DLGAP2: variants seen among roughly 807,000 people sequenced by gnomAD.
DLGAP2 encodes the protein DLG associated protein 2, also known as disks large-associated protein 2.
A neutral mutation model predicts 100.3 loss-of-function variants in DLGAP2; 26 were observed. The observed-to-expected ratio is 0.26, with a 90% CI of 0.19 to 0.36. The LOEUF (loss-of-function observed/expected upper bound fraction) is 0.36, where lower values mean the gene tolerates loss of function less well. DLGAP2 is among the 10% of genes least tolerant of loss of function. DLGAP2 has a pLI of 1.00. For synonymous variants in DLGAP2, 886 were observed against 630.1 expected, an observed-to-expected ratio of 1.41 and a Z score of -6.08; for missense variants, 1,858 against 1,453.2, an observed-to-expected ratio of 1.28 and a Z score of -4.53.
At position 1,377,551 on chromosome 8, in the gene DLGAP2, TAAATA is replaced by T. The variant is rs529047266; in HGVS notation, c.106+118681_106+118685del. Among the ~76,000 whole-genome samples, 58 of 151,706 alleles carry T rather than the reference TAAATA, an allele frequency of 3.8e-4. 2 individuals carry two copies. The highest frequency in any genetic ancestry group is 2.1e-3 in the South Asian group (10 of 4,804). On this transcript the variant is annotated intron_variant, in intron 3 of 14. Transcript: ENST00000637795. The stretch of plus-strand genomic sequence containing the variant: ...AGAGCGAGACTCCGACTCAAAAAAA[TAAATA>T]AAATAAAATAAAGATGCACAGGTCT...
chr8:818,035 G>A (rs1362021553), intron 1 of DLGAP2, among the ~76,000 whole-genome samples: 4 of 152,074 alleles, frequency 2.6e-5, no homozygotes, highest in African/African-American at 7.2e-5. Context: ...CAGGTTTCTC[G>A]GGCAGTGGGC....
chr8:1,102,761 T>G (rs1304917713), intron 2 of DLGAP2, among the ~76,000 whole-genome samples: 1 of 151,374 alleles, frequency 6.6e-6, no homozygotes, highest in African/African-American at 2.4e-5. Flanking sequence ...AGTTGAGAGG[T>G]GGTGATGTGG....
chr8:1,024,335 C>T (rs1234591351), intron 2 of DLGAP2, among the ~76,000 whole-genome samples: 1 of 147,430 alleles, frequency 6.8e-6, no homozygotes, highest in African/African-American at 2.5e-5. Flanking sequence ...ACCACCCACC[C>T]TCCCTGGGGG....
At chr8:1,010,629 A>T (rs184367398) in intron 2 of DLGAP2, among the ~76,000 whole-genome samples, 61 of 152,336 alleles carry the variant, frequency 4.0e-4, no homozygotes, top group Non-Finnish European at 7.2e-4. Flanking sequence ...TATAAACAAA[A>T]CCTGCAAGAA....
At chr8:1,298,972 G>T (rs1465187983) in intron 3 of DLGAP2, among the ~76,000 whole-genome samples, 1 of 152,150 alleles carries the variant, frequency 6.6e-6, no homozygotes, top group African/African-American at 2.4e-5. Flanking sequence ...TGTCTCAGTG[G>T]CTCGTGCTGA....
At chr8:1,504,636 C>T (rs555348998) in intron 4 of DLGAP2, among the ~76,000 whole-genome samples, 6 of 152,314 alleles carry the variant, frequency 3.9e-5, no homozygotes, top group African/African-American at 1.4e-4. Flanking sequence ...AGTGAGGTCA[C>T]GCGGCACCTG....
chr8:1,529,140 C>G (rs970639717), intron 4 of DLGAP2, among the ~76,000 whole-genome samples: 2 of 152,124 alleles, frequency 1.3e-5, no homozygotes, highest in East Asian at 1.9e-4. Context: ...GGTGAGGCCT[C>G]AGGAAACTTA....
chr8:1,473,832 G>C (rs867729350), intron 3 of DLGAP2, among the ~76,000 whole-genome samples: 4 of 152,126 alleles, frequency 2.6e-5, no homozygotes, highest in Non-Finnish European at 5.9e-5. Flanking sequence ...GGCTTCCATT[G>C]TCTCTTGTCT....
chr8:1,057,776 A>G (rs1802927528), intron 2 of DLGAP2, among the ~76,000 whole-genome samples: 1 of 152,210 alleles, frequency 6.6e-6, no homozygotes. Context: ...ATGTGTTACC[A>G]AGAGAACAAA....
chr8:1,093,414 C>T (rs1804253081), intron 2 of DLGAP2, among the ~76,000 whole-genome samples: 1 of 151,962 alleles, frequency 6.6e-6, no homozygotes, highest in African/African-American at 2.4e-5. Context: ...CACTGACAGC[C>T]AGAAACACCT....
chr8:1,570,002 G>A lies in DLGAP2; in HGVS notation c.1442+4108G>A, dbSNP rs536474323. On this transcript the variant is annotated intron_variant, in intron 6 of 14. Transcript: ENST00000637795. ...GCCAGGGTAGATACTGTGGGGAGAGGAGAGAAAGGAAGAAAACGGCCAGGA... is the reference window on the plus strand; with the variant it reads ...GCCAGGGTAGATACTGTGGGGAGAGAAGAGAAAGGAAGAAAACGGCCAGGA... Among the ~76,000 whole-genome samples the A allele has an allele frequency of 3.9e-5, 6 of 152,364 alleles. No individual in the cohort carries two copies. In the South Asian group the frequency reaches 1.2e-3, roughly 32 times the overall value.
chr8:1,243,276 G>C (rs1798837090), intron 2 of DLGAP2, among the ~76,000 whole-genome samples: 1 of 152,124 alleles, frequency 6.6e-6, no homozygotes, highest in African/African-American at 2.4e-5. Context: ...GAAGGGGCTG[G>C]TGCCCTGTAG....
At chr8:1,387,472 G>A (rs1308676339) in intron 3 of DLGAP2, among the ~76,000 whole-genome samples, 2 of 152,176 alleles carry the variant, frequency 1.3e-5, no homozygotes, top group African/African-American at 2.4e-5. Context: ...TCTGGTGCAC[G>A]GGGGCTGAGG....
chr8:1,529,031 G>A (rs1041814654), intron 4 of DLGAP2, among the ~76,000 whole-genome samples: 2 of 152,198 alleles, frequency 1.3e-5, no homozygotes, highest in South Asian at 4.2e-4. Flanking sequence ...AAATCCTTCT[G>A]TATTAGTCTG....
chr8:1,378,613 CCTGTCTGTCCTGCGCACACCTGGCCTCAT>C (rs1796020457), intron 3 of DLGAP2, among the ~76,000 whole-genome samples: 1 of 151,756 alleles, frequency 6.6e-6, no homozygotes, highest in Non-Finnish European at 1.5e-5. Context: ...CCTGGCCTCA[CCTGTCTGTCCTGCGCACACCTGGCCTCAT>C]CTGTCCGTCC....
intron 8 of DLGAP2, 92 bp downstream of exon 8, chr8:1,633,138 G>A: frequency 3.4e-6 from 4 of 1,179,488 alleles, no homozygotes; most frequent in Non-Finnish European, 4.9e-6. Context: ...CAGCACCACA[G>A]TACAATGTAC....
chr8:1,246,224 A>G (rs937894212), intron 2 of DLGAP2, among the ~76,000 whole-genome samples: 8 of 152,224 alleles, frequency 5.3e-5, no homozygotes, highest in Non-Finnish European at 1.0e-4. Flanking sequence ...AAAGTAATAA[A>G]TTAAGGTGAG....
intron 3 of DLGAP2, among the ~76,000 whole-genome samples, chr8:1,412,930 A>C (rs1164471670): frequency 6.6e-6 from 1 of 152,060 alleles, no homozygotes; most frequent in African/African-American, 2.4e-5. Flanking sequence ...CTGCTGGGAA[A>C]ATTCCTTCAA....
At chr8:1,676,721 C>T (rs557905499) in intron 11 of DLGAP2, 103 bp downstream of exon 11, 98 of 1,168,440 alleles carry the variant, frequency 8.4e-5, no homozygotes, top group Non-Finnish European at 1.2e-4. Context: ...TCATGCCTGT[C>T]CTTGTGGAAA....
Sources: gnomAD v4.1 joint callset for allele counts (sites outside exome capture counted in the v4.1 genomes callset) on GRCh38, gnomAD v4.1.1 for gene constraint, MANE v1.5 for transcripts, NCBI Gene and HGNC (gene_info 2026-07-23, HGNC 2026-07-21) for gene names.